Variants in MID1 observed in about 807,000 individuals in gnomAD.
The protein encoded by MID1 is midline 1, also known as E3 ubiquitin-protein ligase Midline-1.
A neutral mutation model predicts 40.4 loss-of-function variants in MID1; 7 were observed. The observed-to-expected ratio is 0.17, with a 90% CI of 0.10 to 0.33. The LOEUF (loss-of-function observed/expected upper bound fraction) is 0.33. Ranked by LOEUF, MID1 falls within the 10% of genes least tolerant of loss-of-function variation. The pLI, the probability that MID1 is intolerant of heterozygous loss-of-function variation, is 1.00. For synonymous variants in MID1, 229 were observed against 221.2 expected, an observed-to-expected ratio of 1.04 and a Z score of -0.31; for missense variants, 367 against 558.5, an observed-to-expected ratio of 0.66 and a Z score of 3.46.
chrX:10,497,918 T>A (rs1304343444), intron 3 of MID1, among the ~76,000 whole-genome samples: 2 of 112,119 alleles, frequency 1.8e-5, no homozygotes, highest in Non-Finnish European at 3.8e-5. Context: ...ATTCAAAAAA[T>A]ATTTGTTGAA....
chrX:10,638,166 G>A (rs1032158718), intron 1 of MID1, among the ~76,000 whole-genome samples: 1 of 111,759 alleles, frequency 8.9e-6, no homozygotes, highest in Admixed American at 9.5e-5. Flanking sequence ...TCTCATTGGG[G>A]CTTGTCAGAC....
At chrX:10,474,806 T>C in intron 5 of MID1, 56 bp from the exon 6 acceptor site, 1 of 1,134,162 alleles carries the variant, frequency 8.8e-7, no homozygotes, top group Non-Finnish European at 1.2e-6. Context: ...TCAACATCAC[T>C]GCATAGAAAT....
intron 1 of MID1, among the ~76,000 whole-genome samples, chrX:10,793,931 C>T (rs2043951471): frequency 9.0e-6 from 1 of 111,415 alleles, no homozygotes; most frequent in African/African-American, 3.3e-5. Context: ...TCCTCCCTTC[C>T]TCTTCTCTTC....
chrX:10,784,748 C>T (rs1389063751), intron 1 of MID1, among the ~76,000 whole-genome samples: 1 of 110,580 alleles, frequency 9.0e-6, no homozygotes, highest in Non-Finnish European at 1.9e-5. Flanking sequence ...ACCTGGCCTA[C>T]GAGTTGTATT....
intron 1 of MID1, among the ~76,000 whole-genome samples, chrX:10,822,631 A>T: frequency 8.9e-6 from 1 of 112,138 alleles, no homozygotes; most frequent in Non-Finnish European, 1.9e-5. Flanking sequence ...AACTTAAACA[A>T]ATTTACAAGA....
intron 1 of MID1, among the ~76,000 whole-genome samples, chrX:10,767,686 T>C (rs7064438): frequency 3.4e-4 from 38 of 112,008 alleles, no homozygotes; most frequent in African/African-American, 1.1e-3. Context: ...TATAACAGGA[T>C]TTTACTGTTT....
rs61450722 is a variant in MID1, at chrX:10,592,146, G to GGTGT, written c.-56-24547_-56-24544dup. Among the ~76,000 whole-genome samples the GGTGT allele has an allele frequency of 6.8e-3, 692 of 102,311 alleles. 5 individuals carry two copies. The highest frequency in any genetic ancestry group is 0.023 in the African/African-American group (653 of 28,043). 88.8% of individuals were successfully genotyped at this position (102,311 alleles called of 115,157 possible). On this transcript the variant is annotated intron_variant, in intron 1 of 9. Transcript: ENST00000317552. ...ATTTGGCTGAATGAAAATGGCTTGT[G>GGTGT]GTGTGTGTGTGTGTGTGTGTGTGTA...
chrX:10,663,766 G>A (rs1471405610), intron 1 of MID1, among the ~76,000 whole-genome samples: 1 of 111,892 alleles, frequency 8.9e-6, no homozygotes, highest in African/African-American at 3.3e-5. Flanking sequence ...TTAGATGTGT[G>A]CTATGATGGC....
chrX:10,617,543 T>G (rs757738023), intron 1 of MID1, among the ~76,000 whole-genome samples: 1 of 111,723 alleles, frequency 9.0e-6, no homozygotes. Flanking sequence ...TCCCTTAGAG[T>G]TTTTTTTCTA....
chrX:10,575,657 G>A (rs1934852145), intron 1 of MID1, among the ~76,000 whole-genome samples: 1 of 111,088 alleles, frequency 9.0e-6, no homozygotes, highest in African/African-American at 3.3e-5. Context: ...GAAGCAGGTG[G>A]GTTAGCAAAG....
chrX:10,603,109 G>A (rs766699058), intron 1 of MID1, among the ~76,000 whole-genome samples: 104 of 112,162 alleles, frequency 9.3e-4, no homozygotes, highest in South Asian at 3.7e-3. Context: ...CCTGGAAAAA[G>A]CTCCTGAATC....
intron 2 of MID1, among the ~76,000 whole-genome samples, chrX:10,558,078 A>C (rs1298213886): frequency 9.1e-6 from 1 of 110,210 alleles, no homozygotes; most frequent in East Asian, 2.8e-4. Flanking sequence ...AAAAAAAAAA[A>C]AAACACTTCA....
chrX:10,782,549 A>G (rs2043854335), intron 1 of MID1, among the ~76,000 whole-genome samples: 1 of 111,440 alleles, frequency 9.0e-6, no homozygotes, highest in Non-Finnish European at 1.9e-5. Flanking sequence ...TGGTCAGTGA[A>G]CCCCTTGGTA....
intron 1 of MID1, among the ~76,000 whole-genome samples, chrX:10,608,952 T>C (rs1312866684): frequency 1.8e-5 from 2 of 112,223 alleles, no homozygotes; most frequent in African/African-American, 6.5e-5. Flanking sequence ...AGTTTAATTG[T>C]TGTAAAGAAT....
chrX:10,609,695 TTTTC>T (rs1201943270), intron 1 of MID1, among the ~76,000 whole-genome samples: 78 of 107,849 alleles, frequency 7.2e-4, no homozygotes, highest in African/African-American at 2.4e-3. Context: ...AGACCTGGCA[TTTTC>T]TTTCTTTCTT....
intron 1 of MID1, among the ~76,000 whole-genome samples, chrX:10,820,853 G>A (rs2044169510): frequency 8.9e-6 from 1 of 112,437 alleles, no homozygotes; most frequent in African/African-American, 3.2e-5. Context: ...AACACACCGT[G>A]TCAAACTCAT....
chrX:10,462,458 C>G (rs1929103835), intron 7 of MID1, among the ~76,000 whole-genome samples: 1 of 111,519 alleles, frequency 9.0e-6, no homozygotes, highest in South Asian at 3.8e-4. Flanking sequence ...GGACTCTTGA[C>G]CAGGCTTTAT....
intron 1 of MID1, among the ~76,000 whole-genome samples, chrX:10,697,176 G>C (rs898899393): frequency 1.8e-5 from 2 of 111,200 alleles, no homozygotes; most frequent in Admixed American, 1.9e-4. Context: ...ACAAAAATCT[G>C]CTACTCCCTC....
In MID1 at chrX:10,474,718, A is replaced by G; in HGVS notation, c.1046T>C (p.Leu349Pro). Reference protein sequence around the residue: ...VSMATASSQVLIPEINLNDTF... With the variant: ...VSMATASSQVPIPEINLNDTF... ...GTCATTGAGGTTGATTTCAGGAATT[A>G]GAACCTGGGAGGATGCAGTTGCCAT... Residue 349 changes from leucine (L) to proline (P), a missense_variant, in exon 6 of 10, where the codon CTA (leucine) becomes CCA (proline). By Grantham distance (98) the Leu-to-Pro change is moderately conservative (BLOSUM62 -3). Transcript: ENST00000317552. 1 of 1,208,954 alleles carries G rather than the reference A, an allele frequency of 8.3e-7. No homozygotes were observed. The highest frequency in any genetic ancestry group is 1.1e-6 in the Non-Finnish European group (1 of 892,763).
Sources: gnomAD v4.1 joint callset for allele counts (sites outside exome capture counted in the v4.1 genomes callset) on GRCh38, gnomAD v4.1.1 for gene constraint, MANE v1.5 for transcripts, NCBI Gene and HGNC (gene_info 2026-07-23, HGNC 2026-07-21) for gene names.